The following COL14A1 variants were observed in gnomAD, a reference collection of about 807,000 sequenced individuals.
COL14A1 encodes the protein collagen alpha-1(XIV) chain.
A neutral mutation model predicts 230.3 loss-of-function variants in COL14A1; 136 were observed. The ratio of observed to expected loss-of-function variants is 0.59; its 90% confidence interval spans 0.51 to 0.68. The LOEUF is 0.68. COL14A1 is among the 30% of genes least tolerant of loss of function. The pLI is 0.00. For synonymous variants in COL14A1, 792 were observed against 784.1 expected, an observed-to-expected ratio of 1.01 and a Z score of -0.17; for missense variants, 1,976 against 2,215.8, an observed-to-expected ratio of 0.89 and a Z score of 2.17.
intron 1 of COL14A1, among the ~76,000 whole-genome samples, chr8:120,127,161 C>A (rs1480178271): frequency 6.6e-6 from 1 of 152,168 alleles, no homozygotes; most frequent in African/African-American, 2.4e-5. Context: ...TGGAAGAATA[C>A]AATATGTGGT....
chr8:120,330,009 G>A (rs918748961), intron 40 of COL14A1, among the ~76,000 whole-genome samples: 2 of 152,122 alleles, frequency 1.3e-5, no homozygotes, highest in African/African-American at 4.8e-5. Flanking sequence ...TGGCCTTTAA[G>A]ATTGCTCCAG....
rs1197635258 is a variant in COL14A1, at chr8:120,272,351, A to T, written c.3213+2177A>T. ...CATCAGAATATAACCTCTTGAAAGC[A>T]TAAAACTCATAGGGCCTATAAAACA... is the stretch of plus-strand genomic sequence containing the variant. On this transcript the variant is annotated intron_variant, in intron 26 of 47. Transcript: ENST00000297848. Among the ~76,000 whole-genome samples, 5 of 151,796 alleles carry T rather than the reference A, an allele frequency of 3.3e-5. No homozygotes were observed. In the East Asian group the frequency reaches 9.7e-4, roughly 29 times the overall value.
chr8:120,228,600 T>C, intron 17 of COL14A1, 110 bp from the exon 18 acceptor site: 5 of 770,846 alleles, frequency 6.5e-6, no homozygotes, highest in Non-Finnish European at 1.1e-5. Context: ...ATGTTTGTTG[T>C]GGGAGGCAAG....
Position 120,270,233 on chromosome 8 carries a change from T to G in COL14A1, c.3213+59T>G. 3.3e-6 allele frequency: 5 copies of G among 1,495,958 alleles called. No individual in the cohort carries two copies. In the South Asian group the frequency reaches 3.8e-5, roughly 11 times the overall value. 92.7% of individuals were successfully genotyped at this position (1,495,958 alleles called of 1,614,324 possible). On this transcript the variant is annotated intron_variant, in intron 26 of 47. Coordinates refer to ENST00000297848, the MANE Select transcript of COL14A1 (RefSeq NM_021110.4). The stretch of plus-strand genomic sequence containing the variant: ...ATTTAGAAATTATTTCTCCAGCTCT[T>G]ATTACAGCTACTTGTCAGGGACTAT...
At chr8:120,302,599 G>A (rs1820748702) in intron 36 of COL14A1, among the ~76,000 whole-genome samples, 1 of 152,076 alleles carries the variant, frequency 6.6e-6, no homozygotes, top group Non-Finnish European at 1.5e-5. Context: ...CCTGGTCTAT[G>A]TGTCTGTTTT....
At chr8:120,320,914 C>G (rs1821416254) in intron 40 of COL14A1, among the ~76,000 whole-genome samples, 1 of 152,180 alleles carries the variant, frequency 6.6e-6, no homozygotes, top group Admixed American at 6.5e-5. Context: ...ACTACGAATG[C>G]TAGTCATTGT....
intron 45 of COL14A1, among the ~76,000 whole-genome samples, chr8:120,361,922 T>C (rs1210780485): frequency 2.6e-5 from 4 of 152,202 alleles, no homozygotes; most frequent in Non-Finnish European, 5.9e-5. Flanking sequence ...GTGAGCAGGA[T>C]AAATCCTCTT....
At chr8:120,206,024 T>C (rs1817418915) in intron 9 of COL14A1, among the ~76,000 whole-genome samples, 3 of 152,218 alleles carry the variant, frequency 2.0e-5, no homozygotes, top group Admixed American at 2.0e-4. Flanking sequence ...GAGCTCATAG[T>C]GGGCATTTAG....
chr8:120,304,184 AAACT>A (rs1390222087), intron 36 of COL14A1, among the ~76,000 whole-genome samples: 3 of 152,208 alleles, frequency 2.0e-5, no homozygotes, highest in South Asian at 2.1e-4. Flanking sequence ...TTTTTTCAAA[AAACT>A]AACTAACTAC....
At chr8:120,139,554 A>G (rs1327679709) in intron 1 of COL14A1, among the ~76,000 whole-genome samples, 1 of 152,210 alleles carries the variant, frequency 6.6e-6, no homozygotes, top group Non-Finnish European at 1.5e-5. Flanking sequence ...ATGTGATAGA[A>G]GAGATAAAGT....
At chr8:120,315,842 C>A in intron 39 of COL14A1, 102 bp from the exon 40 acceptor site, 1 of 1,186,548 alleles carries the variant, frequency 8.4e-7, no homozygotes, top group South Asian at 1.3e-5. Context: ...CACCATTATG[C>A]TCTTAGGTTT....
In COL14A1 at chr8:120,191,872, G is replaced by C. The variant is rs545874367; in HGVS notation, c.437-4919G>C. Among the ~76,000 whole-genome samples, 1,354 of 152,186 alleles carry C rather than the reference G, an allele frequency of 8.9e-3. 18 individuals carry two copies. The highest frequency in any genetic ancestry group is 8.2e-3 in the Non-Finnish European group (559 of 68,004). On this transcript the variant is annotated intron_variant, in intron 5 of 47. Coordinates refer to ENST00000297848, the MANE Select transcript of COL14A1 (RefSeq NM_021110.4). ...ATCAGAGGCTAGGATTGCAACCCCTGCCTTTTTTTGTTTTCCATTTGCTTG... is the reference window on the plus strand; with the variant it reads ...ATCAGAGGCTAGGATTGCAACCCCTCCCTTTTTTTGTTTTCCATTTGCTTG...
At chr8:120,295,047 T>G (rs1038967425) in intron 34 of COL14A1, among the ~76,000 whole-genome samples, 13 of 151,870 alleles carry the variant, frequency 8.6e-5, no homozygotes, top group Non-Finnish European at 1.9e-4. Flanking sequence ...GAAATCCTGA[T>G]GTATACTGGG....
At chr8:120,351,547 A>G (rs1416956948) in intron 45 of COL14A1, among the ~76,000 whole-genome samples, 2 of 114,466 alleles carry the variant, frequency 1.7e-5, no homozygotes, top group East Asian at 4.9e-4. Flanking sequence ...AAAAAATGAT[A>G]AAGGGGATAT....
rs1820627222 is a variant in COL14A1, at chr8:120,299,097, T to G, written c.4314+1509T>G. On this transcript the variant is annotated intron_variant, in intron 35 of 47. Transcript: ENST00000297848. ...TTCATACCTGGCTTACATTATGCAC[T>G]GAAGAAAAAGTTACTGAGTTGAAAA... Among the ~76,000 whole-genome samples the G allele has an allele frequency of 3.3e-5, 5 of 151,970 alleles. No individual in the cohort carries two copies. In the South Asian group the frequency reaches 1.0e-3, roughly 32 times the overall value.
chr8:120,139,278 A>C (rs1814817280), intron 1 of COL14A1, among the ~76,000 whole-genome samples: 1 of 152,114 alleles, frequency 6.6e-6, no homozygotes, highest in South Asian at 2.1e-4. Context: ...ATTTCTTTCA[A>C]GTCTTCTTTG....
At chr8:120,215,186 A>G (rs1158092234) in intron 13 of COL14A1, among the ~76,000 whole-genome samples, 5 of 152,190 alleles carry the variant, frequency 3.3e-5, no homozygotes, top group Non-Finnish European at 7.4e-5. Context: ...CCTGGCCAAC[A>G]TGGTGAAACC....
At chr8:120,364,021 G>A (rs1363830448) in intron 45 of COL14A1, among the ~76,000 whole-genome samples, 1 of 151,998 alleles carries the variant, frequency 6.6e-6, no homozygotes, top group Non-Finnish European at 1.5e-5. Context: ...TAAAGAATGA[G>A]GACAAGTTAT....
chr8:120,171,996 A>G (rs2130597082), intron 5 of COL14A1, among the ~76,000 whole-genome samples: 1 of 152,168 alleles, frequency 6.6e-6, no homozygotes, highest in Middle Eastern at 3.4e-3. Flanking sequence ...AGTCCTAGAA[A>G]TTACATTTGC....
Sources: gnomAD v4.1 joint callset for allele counts (sites outside exome capture counted in the v4.1 genomes callset) on GRCh38, gnomAD v4.1.1 for gene constraint, MANE v1.5 for transcripts, NCBI Gene and HGNC (gene_info 2026-07-23, HGNC 2026-07-21) for gene names.